The following ZRANB3 variants were observed in gnomAD, a reference collection of about 807,000 sequenced individuals.
ZRANB3 encodes the protein zinc finger RANBP2-type containing 3.
A neutral mutation model predicts 133.8 loss-of-function variants in ZRANB3; 125 were observed. The ratio of observed to expected loss-of-function variants is 0.93; its 90% CI spans 0.81 to 1.08. The LOEUF (loss-of-function observed/expected upper bound fraction) is 1.08. Ranked by LOEUF, ZRANB3 falls within the 50% of genes least tolerant of loss-of-function variation. The pLI is 0.00. For missense variants in ZRANB3, 1,229 were observed against 1,275.5 expected (o/e 0.96, Z 0.56); for synonymous variants, 387 against 432.7 (o/e 0.89, Z 1.31).
At chr2:135,469,574 G>A (rs1278656580) in intron 2 of ZRANB3, among the ~76,000 whole-genome samples, 4 of 152,078 alleles carry the variant, frequency 2.6e-5, no homozygotes, top group East Asian at 1.9e-4. Flanking sequence ...TTTGAGAACC[G>A]GGACAAACTT....
chr2:135,468,690 A>G (rs1035945968), intron 2 of ZRANB3, among the ~76,000 whole-genome samples: 15 of 152,262 alleles, frequency 9.9e-5, no homozygotes, highest in African/African-American at 3.6e-4. Flanking sequence ...ACAAAGTCCA[A>G]TCTTACAAAA....
chr2:135,501,629 G>A (rs1692951258), intron 2 of ZRANB3, among the ~76,000 whole-genome samples: 1 of 151,978 alleles, frequency 6.6e-6, no homozygotes, highest in Non-Finnish European at 1.5e-5. Flanking sequence ...ACTTTCAGAT[G>A]GTATAGTTAT....
intron 2 of ZRANB3, among the ~76,000 whole-genome samples, chr2:135,496,862 C>T (rs959860580): frequency 3.3e-5 from 5 of 152,180 alleles, no homozygotes; most frequent in Non-Finnish European, 5.9e-5. Flanking sequence ...ACCAACTCTT[C>T]GCTTTGTTTA....
intron 2 of ZRANB3, among the ~76,000 whole-genome samples, chr2:135,412,744 A>G (rs965884462): frequency 6.6e-6 from 1 of 152,062 alleles, no homozygotes; most frequent in Non-Finnish European, 1.5e-5. Context: ...TAAGATGCAG[A>G]GACTATTTCC....
intron 2 of ZRANB3, among the ~76,000 whole-genome samples, chr2:135,402,095 G>A (rs1687758799): frequency 6.6e-6 from 1 of 151,690 alleles, no homozygotes; most frequent in Admixed American, 6.6e-5. Flanking sequence ...TAGTTTTGGT[G>A]TGTACATATT....
chr2:135,444,453 G>A (rs1689928218), intron 2 of ZRANB3, among the ~76,000 whole-genome samples: 1 of 152,100 alleles, frequency 6.6e-6, no homozygotes, highest in Non-Finnish European at 1.5e-5. Context: ...ACAAACTACT[G>A]ATTTATACAA....
At chr2:135,439,824 T>C (rs1195660976) in intron 2 of ZRANB3, among the ~76,000 whole-genome samples, 2 of 152,240 alleles carry the variant, frequency 1.3e-5, no homozygotes, top group African/African-American at 4.8e-5. Context: ...GTGATTTTAA[T>C]GTGCAACGAA....
rs1436261591 is a variant in ZRANB3 at position 135,414,540 on chromosome 2, C to A, written c.162-23720G>T. Among the ~76,000 whole-genome samples, 10 of 152,138 alleles carry A rather than the reference C, an allele frequency of 6.6e-5. No individual in the cohort carries two copies. The East Asian group carries it at 1.4e-3, about 21-fold the overall frequency. On this transcript the variant is annotated intron_variant, in intron 2 of 20. Coordinates refer to ENST00000264159, the MANE Select transcript of ZRANB3 (RefSeq NM_032143.4). ...ACACCCCACTGTCAACACTAGACAGCTCAATGAGACAGAAAGTTAACAAGG... is the reference window on the plus strand; with the variant it reads ...ACACCCCACTGTCAACACTAGACAGATCAATGAGACAGAAAGTTAACAAGG...
At chr2:135,407,872 T>C (rs1440787099) in intron 2 of ZRANB3, among the ~76,000 whole-genome samples, 4 of 136,880 alleles carry the variant, frequency 2.9e-5, no homozygotes, top group Non-Finnish European at 5.9e-5. Context: ...ATAAAAACCC[T>C]AGAAGAAAAC....
At chr2:135,234,423 C>G (rs942485007) in intron 12 of ZRANB3, among the ~76,000 whole-genome samples, 3 of 152,098 alleles carry the variant, frequency 2.0e-5, no homozygotes, top group African/African-American at 7.2e-5. Flanking sequence ...GGAACTGAAC[C>G]CAGCTCTGCA....
intron 1 of ZRANB3, among the ~76,000 whole-genome samples, chr2:135,525,977 G>A (rs1437466484): frequency 1.3e-5 from 2 of 151,988 alleles, no homozygotes; most frequent in Non-Finnish European, 2.9e-5. Flanking sequence ...CTTACATGAG[G>A]TATCTAAAGT....
rs912433886 is a variant in ZRANB3 at position 135,367,279 on chromosome 2, G to A, written c.181-13651C>T. ...TTAAAACTCAGATCTGTGTAAAAAT[G>A]TGACTCCTGGCTTCTCTCAACAACT... On this transcript the variant is annotated intron_variant, in intron 3 of 20. Coordinates refer to ENST00000264159, the MANE Select transcript of ZRANB3 (RefSeq NM_032143.4). Among the ~76,000 whole-genome samples, 142 of 152,272 alleles carry A rather than the reference G, an allele frequency of 9.3e-4. 1 individual carries two copies. Among genetic ancestry groups the A allele is most frequent in the African/African-American group, 3.2e-3 (134 of 41,554 alleles).
rs1007431100 is a variant in ZRANB3, at chr2:135,200,205, T to C, written c.*137A>G. The C allele has an allele frequency of 7.1e-6, 5 of 702,646 alleles. No individual in the cohort carries two copies. The highest frequency in any genetic ancestry group is 1.2e-5 in the Non-Finnish European group (5 of 402,176). 43.5% of individuals were successfully genotyped at this position (702,646 alleles called of 1,614,324 possible). ...AAATGTATTTAATACTAAAAGTAAT[T>C]AGTAGAAGAGAATTTGAATTCTTGA... On this transcript the variant is annotated 3_prime_UTR_variant, in exon 21 of 21. Coordinates refer to ENST00000264159, the MANE Select transcript of ZRANB3 (RefSeq NM_032143.4).
At chr2:135,487,446 C>G (rs973354808) in intron 2 of ZRANB3, among the ~76,000 whole-genome samples, 2 of 152,180 alleles carry the variant, frequency 1.3e-5, no homozygotes, top group Non-Finnish European at 2.9e-5. Context: ...CAGGCATTGA[C>G]TTCTCTCTAA....
chr2:135,328,493 T>C (rs1476600866), intron 6 of ZRANB3, among the ~76,000 whole-genome samples: 1 of 152,188 alleles, frequency 6.6e-6, no homozygotes, highest in Non-Finnish European at 1.5e-5. Flanking sequence ...TCCAACTCTT[T>C]GCTATTGTGA....
chr2:135,360,594 A>T lies in ZRANB3; in HGVS notation c.181-6966T>A, dbSNP rs193141215. Among the ~76,000 whole-genome samples the T allele has an allele frequency of 3.4e-4, 51 of 151,984 alleles. 1 individual carries two copies. Among genetic ancestry groups the T allele is most frequent in the South Asian group, 1.0e-3 (5 of 4,814 alleles). ...GTGGTGAGCACCTGTAGTCCCAGCTACTTGGGAGGCTGAGGCAGGAGAATG... is the reference window on the plus strand; with the variant it reads ...GTGGTGAGCACCTGTAGTCCCAGCTTCTTGGGAGGCTGAGGCAGGAGAATG... On this transcript the variant is annotated intron_variant, in intron 3 of 20. Coordinates refer to ENST00000264159, the MANE Select transcript of ZRANB3 (RefSeq NM_032143.4).
At chr2:135,342,996 C>G (rs1353279711) in intron 6 of ZRANB3, among the ~76,000 whole-genome samples, 2 of 121,036 alleles carry the variant, frequency 1.7e-5, no homozygotes, top group African/African-American at 7.6e-5. Context: ...GAAACCCTGT[C>G]TCTACTAAAA....
At chr2:135,369,712 A>G (rs1447680621) in intron 3 of ZRANB3, among the ~76,000 whole-genome samples, 1 of 152,194 alleles carries the variant, frequency 6.6e-6, no homozygotes, top group Non-Finnish European at 1.5e-5. Flanking sequence ...CTCAGTCTCA[A>G]CCTCAGTTCT....
At chr2:135,381,313 G>T (rs969699991) in intron 3 of ZRANB3, among the ~76,000 whole-genome samples, 3 of 152,170 alleles carry the variant, frequency 2.0e-5, no homozygotes, top group African/African-American at 7.2e-5. Flanking sequence ...AGGAGCGTCC[G>T]CCATTGCTGA....
Sources: gnomAD v4.1 joint callset for allele counts (sites outside exome capture counted in the v4.1 genomes callset) on GRCh38, gnomAD v4.1.1 for gene constraint, MANE v1.5 for transcripts, NCBI Gene and HGNC (gene_info 2026-07-23, HGNC 2026-07-21) for gene names.